Variants in SLC8A3 observed in about 807,000 individuals in gnomAD.
SLC8A3 encodes sodium/calcium exchanger 3.
In SLC8A3, 37 loss-of-function variants were observed where a neutral mutation model predicts 65.4. The observed-to-expected ratio is 0.57, with a 90% CI of 0.44 to 0.74. SLC8A3 has a LOEUF of 0.74. Ranked by LOEUF, SLC8A3 falls within the 30% of genes least tolerant of loss-of-function variation. The probability of loss-of-function intolerance (pLI) is 0.00; values close to 1 mark genes in which losing one functional copy is unlikely to be tolerated. For missense variants in SLC8A3, 1,112 were observed against 1,172.1 expected (o/e 0.95, Z 0.75); for synonymous variants, 461 against 444.5 (o/e 1.04, Z -0.47).
intron 1 of SLC8A3, among the ~76,000 whole-genome samples, chr14:70,173,344 TC>T (rs1475259386): frequency 6.6e-6 from 1 of 152,022 alleles, no homozygotes; most frequent in Admixed American, 6.5e-5. Context: ...CACACTCCCC[TC>T]TCTCAGTCAA....
chr14:70,107,704 C>A (rs1260007654), intron 2 of SLC8A3, among the ~76,000 whole-genome samples: 1 of 152,092 alleles, frequency 6.6e-6, no homozygotes, highest in African/African-American at 2.4e-5. Context: ...AACTCAGAAC[C>A]AAAGCTTTCC....
intron 2 of SLC8A3, among the ~76,000 whole-genome samples, chr14:70,157,684 G>A (rs557029480): frequency 7.2e-5 from 11 of 152,280 alleles, no homozygotes; most frequent in Admixed American, 1.3e-4. Context: ...GACAGAAAGC[G>A]GTCTCTAGAG....
At chr14:70,174,651 GTTTTTTTTTTGTTTTTT>G (rs1256619068) in intron 1 of SLC8A3, among the ~76,000 whole-genome samples, 155 of 90,370 alleles carry the variant, frequency 1.7e-3, no homozygotes, top group African/African-American at 6.9e-3. Context: ...GACCAAATCC[GTTTTTTTTTTGTTTTTT>G]TTTTTTTTTT....
intron 2 of SLC8A3, among the ~76,000 whole-genome samples, chr14:70,101,455 A>G (rs1407072071): frequency 1.3e-5 from 2 of 152,190 alleles, no homozygotes; most frequent in Non-Finnish European, 2.9e-5. Flanking sequence ...AAAAAGGTGG[A>G]TGAGGGACAA....
intron 1 of SLC8A3, among the ~76,000 whole-genome samples, chr14:70,180,613 G>A (rs1882668085): frequency 6.6e-6 from 1 of 152,166 alleles, no homozygotes; most frequent in African/African-American, 2.4e-5. Context: ...GTATGTTTGG[G>A]GTAGGTGGAG....
intron 2 of SLC8A3, among the ~76,000 whole-genome samples, chr14:70,092,843 CA>C (rs1400145422): frequency 4.6e-5 from 7 of 152,054 alleles, no homozygotes; most frequent in Non-Finnish European, 8.8e-5. Context: ...TTATGCAAGC[CA>C]AAAAAATCCC....
chr14:70,072,832 G>A (rs551136336), intron 2 of SLC8A3, among the ~76,000 whole-genome samples: 110 of 152,170 alleles, frequency 7.2e-4, no homozygotes, highest in Non-Finnish European at 1.3e-3. Flanking sequence ...ATTTTTAGTC[G>A]AGATGGGGTT....
At chr14:70,125,750 C>T (rs1894401074) in intron 2 of SLC8A3, among the ~76,000 whole-genome samples, 1 of 152,058 alleles carries the variant, frequency 6.6e-6, no homozygotes, top group Non-Finnish European at 1.5e-5. Flanking sequence ...TGAGAAATCT[C>T]CTAGGGAGCT....
At chr14:70,099,924 T>C (rs570525001) in intron 2 of SLC8A3, among the ~76,000 whole-genome samples, 1 of 152,264 alleles carries the variant, frequency 6.6e-6, no homozygotes. Flanking sequence ...TGGTCCATTA[T>C]GCACGAGACC....
intron 2 of SLC8A3, among the ~76,000 whole-genome samples, chr14:70,068,581 A>G (rs1019655220): frequency 6.6e-6 from 1 of 151,980 alleles, no homozygotes; most frequent in African/African-American, 2.4e-5. Flanking sequence ...ATGGGACCTC[A>G]CTAAGTTGCC....
chr14:70,171,200 T>C (rs1267062797), intron 1 of SLC8A3, among the ~76,000 whole-genome samples: 1 of 152,264 alleles, frequency 6.6e-6, no homozygotes, highest in East Asian at 1.9e-4. Context: ...GTGGCTGCTA[T>C]GAGAGCCAAC....
rs141504535 is a variant in SLC8A3, at chr14:70,168,229, G to A, written c.194C>T (p.Pro65Leu). The A allele has an allele frequency of 2.2e-5, 35 of 1,614,008 alleles. No homozygotes were observed. The highest frequency in any genetic ancestry group is 8.3e-5 in the Admixed American group (5 of 59,994). ...CTTGTCCCCAAGGGAAGGGTTCTCC[G>A]GGTACCAGATTGGCAGGATGACACC... ...KEGVILPIWY[P>L]ENPSLGDKIA... The change falls in exon 2 of 7, where the codon CCG becomes CTG. Residue 65 changes from proline to leucine, a missense_variant. Physicochemically the swap from Pro to Leu is moderately conservative, Grantham distance 98. Coordinates refer to ENST00000356921, the MANE Select transcript of SLC8A3 (RefSeq NM_182932.3).
intron 2 of SLC8A3, among the ~76,000 whole-genome samples, chr14:70,118,540 A>G (rs1023008178): frequency 5.3e-5 from 8 of 152,216 alleles, no homozygotes; most frequent in Non-Finnish European, 7.3e-5. Context: ...TGTGGGGTCA[A>G]TCTGATTCTA....
chr14:70,097,133 C>T (rs561882075), intron 2 of SLC8A3, among the ~76,000 whole-genome samples: 1 of 152,120 alleles, frequency 6.6e-6, no homozygotes, highest in East Asian at 1.9e-4. Flanking sequence ...TTGTGGGGGA[C>T]CATGGGCTCA....
intron 2 of SLC8A3, among the ~76,000 whole-genome samples, chr14:70,063,466 CT>C (rs1379485512): frequency 1.4e-4 from 21 of 152,210 alleles, no homozygotes; most frequent in Non-Finnish European, 2.8e-4. Context: ...CTTTTCCCCC[CT>C]TTATGCCCAG....
intron 2 of SLC8A3, among the ~76,000 whole-genome samples, chr14:70,093,578 A>C (rs537936284): frequency 6.6e-6 from 1 of 152,320 alleles, no homozygotes; most frequent in Non-Finnish European, 1.5e-5. Flanking sequence ...TCTTCTAAAC[A>C]CAGAGGCCAC....
At chr14:70,184,617 A>T (rs376013757) in intron 1 of SLC8A3, among the ~76,000 whole-genome samples, 1 of 152,214 alleles carries the variant, frequency 6.6e-6, no homozygotes, top group Non-Finnish European at 1.5e-5. Flanking sequence ...CATTAAGCCC[A>T]TAGGAAGAGG....
chr14:70,168,091 T>A lies in SLC8A3; in HGVS notation c.332A>T (p.Glu111Val), dbSNP rs148347484. ...SIEVITSQER[E>V]VTIKKPNGET... is the part of the protein sequence containing the mutation. ...TCCATTGGGTTTCTTAATTGTCACC[T>A]CCCTCTCTTGAGAGGTGATGACTTC... Residue 111 changes from glutamate to valine, a missense_variant, in exon 2 of 7, where the codon GAG (glutamate) becomes GTG (valine). By Grantham distance (121) the Glu-to-Val change is moderately radical. Transcript: ENST00000356921. The A allele has an allele frequency of 1.2e-6, 2 of 1,614,012 alleles. No individual in the cohort carries two copies. The highest frequency in any genetic ancestry group is 8.5e-7 in the Non-Finnish European group (1 of 1,179,988).
chr14:70,102,573 AAT>A (rs1331126760), intron 2 of SLC8A3, among the ~76,000 whole-genome samples: 2 of 152,314 alleles, frequency 1.3e-5, no homozygotes, highest in African/African-American at 4.8e-5. Flanking sequence ...CAGCTATTAA[AAT>A]ATGTTTAAGA....
Sources: gnomAD v4.1 joint callset for allele counts (sites outside exome capture counted in the v4.1 genomes callset) on GRCh38, gnomAD v4.1.1 for gene constraint, MANE v1.5 for transcripts, NCBI Gene and HGNC (gene_info 2026-07-23, HGNC 2026-07-21) for gene names.